The following TENM4 variants were observed in gnomAD, a reference collection of about 807,000 sequenced individuals.
TENM4 encodes the protein teneurin transmembrane protein 4, also known as teneurin-4.
Under a neutral mutation model 243.3 loss-of-function variants are expected in TENM4, and 82 were observed. The observed-to-expected ratio is 0.34, with a 90% CI of 0.28 to 0.40. The LOEUF (loss-of-function observed/expected upper bound fraction) is 0.40. Among genes scored for constraint, TENM4 ranks in the 10% least tolerant of loss-of-function variants. TENM4 has a pLI of 1.00. For synonymous variants in TENM4, 1,412 were observed against 1,456.3 expected (o/e 0.97, Z 0.69); for missense variants, 3,138 against 3,673.3 (o/e 0.85, Z 3.77).
intron 1 of TENM4, among the ~76,000 whole-genome samples, chr11:79,382,690 T>TG: frequency 6.6e-6 from 1 of 151,638 alleles, no homozygotes; most frequent in Non-Finnish European, 1.5e-5. Context: ...AGGAGGACAC[T>TG]GGGGAAGGGG....
intron 12 of TENM4, among the ~76,000 whole-genome samples, chr11:78,830,890 G>A (rs543057593): frequency 1.3e-5 from 2 of 152,258 alleles, no homozygotes; most frequent in Admixed American, 6.5e-5. Flanking sequence ...GCAGATCCAA[G>A]TTTTTAATAA....
At chr11:79,005,902 G>C (rs1858468559) in intron 6 of TENM4, among the ~76,000 whole-genome samples, 1 of 152,160 alleles carries the variant, frequency 6.6e-6, no homozygotes, top group Non-Finnish European at 1.5e-5. Flanking sequence ...CCGAGTTTCA[G>C]GATACAAAAT....
At chr11:78,846,129 T>C (rs1265096702) in intron 12 of TENM4, among the ~76,000 whole-genome samples, 1 of 152,208 alleles carries the variant, frequency 6.6e-6, no homozygotes, top group African/African-American at 2.4e-5. Flanking sequence ...TAAGAATGTG[T>C]GTTTTGGATT....
intron 4 of TENM4, among the ~76,000 whole-genome samples, chr11:79,138,887 A>AAAATATATATTATATTTATAT (rs1862184150): frequency 8.5e-6 from 1 of 117,274 alleles, no homozygotes; most frequent in Non-Finnish European, 1.6e-5. Flanking sequence ...ATAAATATAT[A>AAAATATATATTATATTTATAT]AAATATATAT....
At chr11:78,948,073 T>C (rs1857039250) in intron 6 of TENM4, among the ~76,000 whole-genome samples, 1 of 152,184 alleles carries the variant, frequency 6.6e-6, no homozygotes, top group African/African-American at 2.4e-5. Flanking sequence ...GCACTCCCAT[T>C]TTCTATTTTG....
intron 2 of TENM4, among the ~76,000 whole-genome samples, chr11:79,280,027 G>A (rs1318826301): frequency 1.3e-5 from 2 of 150,258 alleles, no homozygotes; most frequent in Non-Finnish European, 2.9e-5. Context: ...CCCTCTGGAG[G>A]ATGTGGCAGC....
In TENM4 at chr11:78,702,399, T is replaced by C; in HGVS notation, c.4214A>G (p.His1405Arg). The C allele has an allele frequency of 6.2e-7, 1 of 1,609,578 alleles. No individual in the cohort carries two copies. The stretch of plus-strand genomic sequence containing the variant: ...GGCTAAGTCTGTGGGCCACTCCAGG[T>C]GAACCTGACAATGAAGACACCGATA... Reference protein sequence around the residue: ...CDSVMDISQVHLEWPTDLAIN... With the variant: ...CDSVMDISQVRLEWPTDLAIN... The change falls in exon 28 of 34, where the codon CAC becomes CGC. Residue 1405 changes from histidine (H) to arginine (R), a missense_variant. Physicochemically the swap from His to Arg is conservative, Grantham distance 29. Transcript: ENST00000278550.
At chr11:79,192,307 G>A (rs1028405670) in intron 3 of TENM4, among the ~76,000 whole-genome samples, 7 of 152,236 alleles carry the variant, frequency 4.6e-5, no homozygotes, top group African/African-American at 1.7e-4. Context: ...TGACGATGGC[G>A]GTTTTCTGGA....
chr11:79,255,816 C>T (rs1855691854), intron 2 of TENM4, among the ~76,000 whole-genome samples: 1 of 152,182 alleles, frequency 6.6e-6, no homozygotes, highest in African/African-American at 2.4e-5. Context: ...TCAATCTTCT[C>T]TTCTGTCCCT....
intron 33 of TENM4, among the ~76,000 whole-genome samples, chr11:78,659,631 T>C (rs1857982312): frequency 6.6e-6 from 1 of 152,200 alleles, no homozygotes; most frequent in African/African-American, 2.4e-5. Flanking sequence ...CAGTGACTGT[T>C]ATTAACCCTC....
intron 18 of TENM4, among the ~76,000 whole-genome samples, chr11:78,761,093 A>T (rs1856420641): frequency 6.6e-6 from 1 of 152,096 alleles, no homozygotes; most frequent in Admixed American, 6.5e-5. Flanking sequence ...GGGAGTGGTC[A>T]TCCTTCTGCA....
At position 79,148,808 on chromosome 11, in the gene TENM4, T is replaced by G; in HGVS notation, c.-162-2A>C. ...GGACACATGGTAATTTCAGTCTACC[T>G]GTTGAAAGAGACAAGAGACAAATCA... On this transcript the variant is annotated splice_acceptor_variant, in intron 3 of 33. Transcript: ENST00000278550. LOFTEE classifies it low-confidence loss of function (5UTR_SPLICE). 1 of 968,138 alleles carries G rather than the reference T, an allele frequency of 1.0e-6. No individual in the cohort carries two copies. Among genetic ancestry groups the G allele is most frequent in the South Asian group, 4.8e-5 (1 of 20,958 alleles). The allele number at this position is 968,138 out of a possible 1,614,324, so 60.0% of individuals were successfully genotyped here.
chr11:78,745,109 TACAC>T, intron 19 of TENM4, among the ~76,000 whole-genome samples: 1 of 152,196 alleles, frequency 6.6e-6, no homozygotes, highest in African/African-American at 2.4e-5. Flanking sequence ...TTTATACAGA[TACAC>T]AGACAGACAC....
At chr11:79,135,802 T>TATG (rs1862099839) in intron 4 of TENM4, among the ~76,000 whole-genome samples, 1 of 142,672 alleles carries the variant, frequency 7.0e-6, no homozygotes, top group Non-Finnish European at 1.5e-5. Context: ...ATTATATATG[T>TATG]ATGATATATA....
chr11:79,154,180 T>C (rs1394510490), intron 3 of TENM4, among the ~76,000 whole-genome samples: 3 of 151,930 alleles, frequency 2.0e-5, no homozygotes, highest in African/African-American at 7.3e-5. Flanking sequence ...TTCTGCAGGC[T>C]GTACAGGAAG....
intron 6 of TENM4, among the ~76,000 whole-genome samples, chr11:79,049,683 T>C (rs1039932333): frequency 2.0e-5 from 3 of 152,242 alleles, no homozygotes; most frequent in Non-Finnish European, 4.4e-5. Flanking sequence ...AATGAGTGTA[T>C]GTTAAACACC....
intron 1 of TENM4, among the ~76,000 whole-genome samples, chr11:79,381,785 A>C (rs938346191): frequency 9.2e-5 from 14 of 151,964 alleles, no homozygotes; most frequent in Admixed American, 2.0e-4. Flanking sequence ...TCCAGGTGAG[A>C]AAATTGAGGA....
intron 4 of TENM4, among the ~76,000 whole-genome samples, chr11:79,078,381 G>A (rs553853604): frequency 7.2e-5 from 11 of 152,236 alleles, no homozygotes; most frequent in East Asian, 1.9e-4. Flanking sequence ...GTGTAAAATC[G>A]TGAATTTTAC....
At chr11:79,382,373 C>T (rs1858022615) in intron 1 of TENM4, among the ~76,000 whole-genome samples, 1 of 152,172 alleles carries the variant, frequency 6.6e-6, no homozygotes, top group Non-Finnish European at 1.5e-5. Flanking sequence ...TTTCCTCTGC[C>T]TTGTGCAGGC....
Sources: gnomAD v4.1 joint callset for allele counts (sites outside exome capture counted in the v4.1 genomes callset) on GRCh38, gnomAD v4.1.1 for gene constraint, MANE v1.5 for transcripts, NCBI Gene and HGNC (gene_info 2026-07-23, HGNC 2026-07-21) for gene names.